Variants in ASIC2 observed in about 807,000 individuals in gnomAD.
ASIC2 encodes the protein acid sensing ion channel subunit 2, also known as acid-sensing ion channel 2.
In ASIC2, 25 loss-of-function variants were observed where a neutral mutation model predicts 57.3. That is an observed-to-expected ratio of 0.44 (90% CI 0.32 to 0.61). The LOEUF (loss-of-function observed/expected upper bound fraction) is 0.61, where lower values mean the gene tolerates loss of function less well. Among genes scored for constraint, ASIC2 ranks in the 20% least tolerant of loss-of-function variants. The pLI is 0.06. For synonymous variants in ASIC2, 319 were observed against 307.5 expected (o/e 1.04, Z -0.39); for missense variants, 641 against 738.1 (o/e 0.87, Z 1.52).
Position 33,604,161 on chromosome 17 carries a change from G to A in ASIC2, c.556-492094C>T, listed in dbSNP as rs1905171911. 2.6e-5 allele frequency among the ~76,000 whole-genome samples: 4 copies of A among 152,292 alleles called. No homozygotes were observed. In the South Asian group the frequency reaches 8.3e-4, roughly 32 times the overall value. ...GGACTAGAGGTGGACATTGCCCACA[G>A]CCAGACAGGAAGGGGCCCCCAGGCA... is the stretch of plus-strand genomic sequence containing the variant. On this transcript the variant is annotated intron_variant, in intron 1 of 9. Coordinates refer to the ASIC2 transcript ENST00000359872.
intron 1 of ASIC2, chr17:33,534,314 A>T (rs545059576): frequency 2.6e-4 from 40 of 152,306 alleles, no homozygotes; most frequent in Admixed American, 4.6e-4. Flanking sequence ...GACAACCTTG[A>T]GCATGCAGAA....
At chr17:33,033,714 C>T (rs1346471516) in intron 3 of ASIC2, among the ~76,000 whole-genome samples, 2 of 152,192 alleles carry the variant, frequency 1.3e-5, no homozygotes, top group Admixed American at 6.5e-5. Context: ...CCCAGTAAGG[C>T]CCCACCTTCA....
At chr17:34,085,784 G>C (rs902989182) in intron 1 of ASIC2, among the ~76,000 whole-genome samples, 1 of 152,062 alleles carries the variant, frequency 6.6e-6, no homozygotes, top group Non-Finnish European at 1.5e-5. Context: ...TACGTGTCGA[G>C]GAATTTATCC....
intron 1 of ASIC2, among the ~76,000 whole-genome samples, chr17:33,226,940 A>G (rs1907903105): frequency 6.6e-6 from 1 of 152,240 alleles, no homozygotes; most frequent in Admixed American, 6.5e-5. Flanking sequence ...TAACTTCGAC[A>G]TGTAATCAAT....
intron 1 of ASIC2, among the ~76,000 whole-genome samples, chr17:33,839,179 G>A (rs1169039401): frequency 3.3e-5 from 5 of 152,148 alleles, no homozygotes; most frequent in Non-Finnish European, 2.9e-5. Flanking sequence ...CAGATTCTGG[G>A]GAGCATCTAA....
chr17:34,048,777 A>G (rs1216074639), intron 1 of ASIC2, among the ~76,000 whole-genome samples: 1 of 152,228 alleles, frequency 6.6e-6, no homozygotes, highest in Non-Finnish European at 1.5e-5. Context: ...TGTTGTGCAG[A>G]TAAGAGATGG....
At chr17:33,338,556 C>T (rs1207648357) in intron 1 of ASIC2, among the ~76,000 whole-genome samples, 1 of 151,990 alleles carries the variant, frequency 6.6e-6, no homozygotes, top group Non-Finnish European at 1.5e-5. Context: ...TGTGCGTGCA[C>T]GAATGATCAG....
intron 1 of ASIC2, among the ~76,000 whole-genome samples, chr17:34,088,400 A>C (rs191724991): frequency 6.6e-6 from 1 of 152,000 alleles, no homozygotes; most frequent in Non-Finnish European, 1.5e-5. Context: ...GTTCCTCTGG[A>C]AGTTTTGTCT....
chr17:33,682,080 G>A (rs1407020280), intron 1 of ASIC2, among the ~76,000 whole-genome samples: 1 of 51,602 alleles, frequency 1.9e-5, no homozygotes, highest in East Asian at 5.4e-4. Context: ...TTTTTTTTGA[G>A]ACAGAGTCTC....
chr17:33,199,230 G>T (rs1051048276), intron 1 of ASIC2, among the ~76,000 whole-genome samples: 16 of 152,108 alleles, frequency 1.1e-4, no homozygotes, highest in African/African-American at 3.9e-4. Context: ...AATGCTTCCT[G>T]CTAATAAAAT....
intron 1 of ASIC2, among the ~76,000 whole-genome samples, chr17:34,104,827 T>C (rs529236528): frequency 5.6e-4 from 85 of 152,258 alleles, no homozygotes; most frequent in African/African-American, 1.7e-3. Context: ...TTGGTTATAA[T>C]ATTCTTTTTA....
intron 1 of ASIC2, among the ~76,000 whole-genome samples, chr17:33,156,850 A>G (rs1905019802): frequency 6.6e-6 from 1 of 152,180 alleles, no homozygotes; most frequent in Non-Finnish European, 1.5e-5. Flanking sequence ...GACGGGAGGA[A>G]GGGAATATTG....
chr17:34,009,216 C>T (rs931171443), intron 1 of ASIC2, among the ~76,000 whole-genome samples: 5 of 152,116 alleles, frequency 3.3e-5, no homozygotes, highest in Non-Finnish European at 5.9e-5. Context: ...GCCCTCACTC[C>T]GCAGATGGAG....
chr17:34,008,006 T>C (rs546141061), intron 1 of ASIC2, among the ~76,000 whole-genome samples: 1 of 152,278 alleles, frequency 6.6e-6, no homozygotes, highest in East Asian at 1.9e-4. Context: ...TCTAAATAGG[T>C]AAATCATTAG....
chr17:34,119,383 T>C (rs1911527533), intron 1 of ASIC2, among the ~76,000 whole-genome samples: 1 of 152,342 alleles, frequency 6.6e-6, no homozygotes, highest in South Asian at 2.1e-4. Flanking sequence ...AAACACTGCT[T>C]TGTTAGCCTA....
chr17:34,132,089 AG>A (rs1911991968), intron 1 of ASIC2, among the ~76,000 whole-genome samples: 2 of 152,314 alleles, frequency 1.3e-5, no homozygotes, highest in Non-Finnish European at 2.9e-5. Flanking sequence ...AGGGGACACA[AG>A]AATGTAAAGC....
chr17:33,071,307 T>G (rs1387779287), intron 3 of ASIC2, among the ~76,000 whole-genome samples: 1 of 152,196 alleles, frequency 6.6e-6, no homozygotes, highest in African/African-American at 2.4e-5. Flanking sequence ...TTTTTCTATT[T>G]CATTTCAATC....
chr17:34,150,807 T>C (rs1310071429), intron 1 of ASIC2, among the ~76,000 whole-genome samples: 1 of 151,986 alleles, frequency 6.6e-6, no homozygotes, highest in Admixed American at 6.6e-5. Context: ...TAAATAGACA[T>C]GGAGAAAGAG....
intron 1 of ASIC2, among the ~76,000 whole-genome samples, chr17:33,433,321 T>C (rs557401476): frequency 4.1e-4 from 62 of 152,342 alleles, no homozygotes; most frequent in African/African-American, 1.4e-3. Context: ...ATACCACATG[T>C]TCTTACTTAT....
Sources: gnomAD v4.1 joint callset for allele counts (sites outside exome capture counted in the v4.1 genomes callset) on GRCh38, gnomAD v4.1.1 for gene constraint, MANE v1.5 for transcripts, NCBI Gene and HGNC (gene_info 2026-07-23, HGNC 2026-07-21) for gene names.